Variants in KCNU1 observed in about 807,000 individuals in gnomAD.
KCNU1 encodes the protein potassium calcium-activated channel subfamily U member 1.
A neutral mutation model predicts 126.8 loss-of-function variants in KCNU1; 93 were observed. The ratio of observed to expected loss-of-function variants is 0.73; its 90% confidence interval spans 0.62 to 0.87. KCNU1 has a LOEUF of 0.87. Ranked by LOEUF, KCNU1 falls within the 40% of genes least tolerant of loss-of-function variation. The probability of loss-of-function intolerance (pLI) is 0.00; values close to 1 mark genes in which losing one functional copy is unlikely to be tolerated. For missense variants in KCNU1, 1,330 were observed against 1,367.1 expected, an observed-to-expected ratio of 0.97 and a Z score of 0.43; for synonymous variants, 523 against 494.2, an observed-to-expected ratio of 1.06 and a Z score of -0.77.
intron 19 of KCNU1, among the ~76,000 whole-genome samples, chr8:36,868,015 G>A (rs1585484605): frequency 6.6e-6 from 1 of 152,110 alleles, no homozygotes; most frequent in Non-Finnish European, 1.5e-5. Flanking sequence ...TCAAAATCAA[G>A]GTAGGTTTGC....
At chr8:36,869,781 A>G (rs1030867142) in intron 19 of KCNU1, among the ~76,000 whole-genome samples, 4 of 152,176 alleles carry the variant, frequency 2.6e-5, no homozygotes, top group African/African-American at 7.2e-5. Context: ...CAAGTGAAAA[A>G]TGTTTCATGC....
chr8:36,862,073 T>A (rs1055302922), intron 18 of KCNU1, among the ~76,000 whole-genome samples: 2 of 152,158 alleles, frequency 1.3e-5, no homozygotes, highest in African/African-American at 4.8e-5. Flanking sequence ...AGGGAACTCA[T>A]GGTAAGTCAT....
At chr8:36,927,993 A>T (rs1437776559) in intron 24 of KCNU1, among the ~76,000 whole-genome samples, 6 of 123,562 alleles carry the variant, frequency 4.9e-5, no homozygotes, top group Non-Finnish European at 6.6e-5. Flanking sequence ...GAAAGATGGA[A>T]GGAAGGAAGG....
Position 36,858,507 on chromosome 8 carries a change from T to C in KCNU1, c.1892-5897T>C, listed in dbSNP as rs371018508. Among the ~76,000 whole-genome samples, 42 of 152,302 alleles carry C rather than the reference T, an allele frequency of 2.8e-4. No homozygotes were observed. In the East Asian group the frequency reaches 7.5e-3, roughly 27 times the overall value. ...ACTATACATGTCATCCTATTGTATG[T>C]AAATTTAGTATAGTTTCATGCAGTA... On this transcript the variant is annotated intron_variant, in intron 18 of 26. Coordinates refer to ENST00000399881, the MANE Select transcript of KCNU1 (RefSeq NM_001031836.3).
intron 18 of KCNU1, among the ~76,000 whole-genome samples, chr8:36,861,009 A>G (rs1339242092): frequency 1.3e-5 from 2 of 152,010 alleles, no homozygotes; most frequent in East Asian, 1.9e-4. Context: ...CTCTAAACAC[A>G]TAAGGTAGAG....
chr8:36,857,554 C>T (rs1212909725), intron 18 of KCNU1, among the ~76,000 whole-genome samples: 1 of 152,156 alleles, frequency 6.6e-6, no homozygotes, highest in Admixed American at 6.5e-5. Context: ...TCTGCCCTTA[C>T]TAAGATTTAG....
At chr8:36,792,897 C>T (rs1019336524) in intron 2 of KCNU1, among the ~76,000 whole-genome samples, 7 of 152,028 alleles carry the variant, frequency 4.6e-5, no homozygotes, top group South Asian at 4.1e-4. Context: ...TATCTATAAA[C>T]GTAAACCATG....
Position 36,935,910 on chromosome 8 carries a change from A to C in KCNU1, c.3440A>C (p.Glu1147Ala). ...GATGAGGATCCCTTTGCATATTCAGAGCCACTATAGACCTGCCCATATTCT... is the reference window on the plus strand; with the variant it reads ...GATGAGGATCCCTTTGCATATTCAGCGCCACTATAGACCTGCCCATATTCT... ...VYDEDPFAYS[E>A]PL Residue 1147 changes from glutamate to alanine, a missense_variant, in exon 27 of 27, where the codon GAG (glutamate) becomes GCG (alanine). Coordinates refer to ENST00000399881, the MANE Select transcript of KCNU1 (RefSeq NM_001031836.3). The C allele has an allele frequency of 1.3e-6, 2 of 1,591,730 alleles. No homozygotes were observed. The highest frequency in any genetic ancestry group is 2.3e-5 in the South Asian group (2 of 86,522).
intron 22 of KCNU1, among the ~76,000 whole-genome samples, chr8:36,916,198 GA>G (rs1164533665): frequency 6.8e-6 from 1 of 147,284 alleles, no homozygotes; most frequent in East Asian, 2.0e-4. Context: ...AGGAAGGAAG[GA>G]AAGGGGAGAG....
chr8:36,882,083 C>A (rs1806507057), intron 19 of KCNU1, among the ~76,000 whole-genome samples: 1 of 152,158 alleles, frequency 6.6e-6, no homozygotes, highest in African/African-American at 2.4e-5. Flanking sequence ...CAAAAAGAGA[C>A]CCATTCTCTC....
In KCNU1 at chr8:36,840,929, C is replaced by T. The variant is rs745922175; in HGVS notation, c.1632-3C>T. 3.1e-6 allele frequency: 5 copies of T among 1,610,062 alleles called. No homozygotes were observed. The East Asian group carries it at 1.1e-4, about 36-fold the overall frequency. ...CCTTTTGACTCCTCGTCTTCCTTCC[C>T]AGGCTCTGCTTTCTGAAGATGCACC... On this transcript the variant is annotated splice_region_variant and splice_polypyrimidine_tract_variant and intron_variant, in intron 15 of 26. Coordinates refer to ENST00000399881, the MANE Select transcript of KCNU1 (RefSeq NM_001031836.3).
intron 6 of KCNU1, 72 bp from the exon 7 acceptor site, chr8:36,808,646 C>T (rs1803594779): frequency 1.1e-6 from 1 of 913,846 alleles, no homozygotes; most frequent in Admixed American, 2.0e-5. Context: ...GTAGCAACAT[C>T]TTAGAGGATG....
chr8:36,893,984 C>A (rs943352055), intron 19 of KCNU1, among the ~76,000 whole-genome samples: 1 of 152,050 alleles, frequency 6.6e-6, no homozygotes, highest in Non-Finnish European at 1.5e-5. Flanking sequence ...TAACTTGACA[C>A]TTTTAATCTG....
rs547267917 is a variant in KCNU1, at chr8:36,838,687, A to C, written c.1518+1742A>C. 1.7e-4 allele frequency among the ~76,000 whole-genome samples: 26 copies of C among 152,092 alleles called. 1 individual carries two copies. Among genetic ancestry groups the C allele is most frequent in the African/African-American group, 6.0e-4 (25 of 41,468 alleles). On this transcript the variant is annotated intron_variant, in intron 14 of 26. Transcript: ENST00000399881. The stretch of plus-strand genomic sequence containing the variant: ...ACTCCAGCCTCAGCGACAGAGTGAG[A>C]CTCTGTCTCAAAAAAACCAATAAAT...
chr8:36,856,685 C>T (rs1328108300), intron 18 of KCNU1, among the ~76,000 whole-genome samples: 2 of 152,110 alleles, frequency 1.3e-5, no homozygotes, highest in African/African-American at 4.8e-5. Context: ...AGCAGGCTGC[C>T]TATTATTGTT....
chr8:36,933,914 T>C (rs1808777650), intron 26 of KCNU1, among the ~76,000 whole-genome samples: 1 of 152,074 alleles, frequency 6.6e-6, no homozygotes, highest in Non-Finnish European at 1.5e-5. Context: ...GAAGAAATAG[T>C]ATCAGGAGTT....
intron 19 of KCNU1, among the ~76,000 whole-genome samples, chr8:36,877,263 A>G (rs1223182335): frequency 2.7e-5 from 4 of 149,684 alleles, no homozygotes; most frequent in African/African-American, 9.8e-5. Flanking sequence ...TGCTTTCTCT[A>G]TTTTATTCCT....
intron 2 of KCNU1, among the ~76,000 whole-genome samples, chr8:36,791,573 T>C (rs987020436): frequency 1.3e-5 from 2 of 152,132 alleles, no homozygotes; most frequent in African/African-American, 4.8e-5. Flanking sequence ...TCTCTGTAGA[T>C]AAATTAAGCC....
intron 10 of KCNU1, among the ~76,000 whole-genome samples, chr8:36,823,218 T>C (rs1358185087): frequency 6.6e-6 from 1 of 152,164 alleles, no homozygotes; most frequent in East Asian, 1.9e-4. Context: ...AAACAGTACA[T>C]GACCATAAGT....
Sources: allele counts gnomAD v4.1 joint callset (sites outside exome capture counted in the v4.1 genomes callset), GRCh38; gene constraint gnomAD v4.1.1; transcripts MANE v1.5; gene names NCBI Gene and HGNC (gene_info 2026-07-23, HGNC 2026-07-21).